PTPRF: variants seen among roughly 807,000 people sequenced by gnomAD.
PTPRF encodes the protein protein tyrosine phosphatase receptor type F.
PTPRF carries 59 observed loss-of-function variants against 201.8 expected under a neutral mutation model. The ratio of observed to expected loss-of-function variants is 0.29; its 90% CI spans 0.24 to 0.36. PTPRF has a LOEUF of 0.36. Among genes scored for constraint, PTPRF ranks in the 10% least tolerant of loss-of-function variants. The pLI is 1.00. For synonymous variants in PTPRF, 1,088 were observed against 1,089.7 expected, an observed-to-expected ratio of 1.00 and a Z score of 0.03; for missense variants, 2,132 against 2,690.5, an observed-to-expected ratio of 0.79 and a Z score of 4.59.
rs1212201825 is a variant in PTPRF at position 43,591,426 on chromosome 1, C to T, written c.1404C>T (p.Asp468=). Residue 468 remains aspartate (D), a synonymous_variant, in exon 9 of 34, where the codon GAC becomes GAT. Transcript: ENST00000359947. ...ACGCCTGGCACAAGCACAACACCGA[C>T]GCGGGGCTCCTCACGACCGTGGGCA... is the stretch of plus-strand genomic sequence containing the variant. ...PPNAWHKHNT[D]AGLLTTVGSL... 15 of 1,584,168 alleles carry T rather than the reference C, an allele frequency of 9.5e-6. No homozygotes were observed. Among genetic ancestry groups the T allele is most frequent in the Non-Finnish European group, 1.2e-5 (14 of 1,167,302 alleles).
At chr1:43,590,048 C>A (rs923150092) in intron 8 of PTPRF, among the ~76,000 whole-genome samples, 2 of 152,136 alleles carry the variant, frequency 1.3e-5, no homozygotes, top group South Asian at 4.1e-4. Flanking sequence ...GGATACAGAT[C>A]AGGATCCTCA....
chr1:43,532,795 C>T (rs1643724254), intron 1 of PTPRF, among the ~76,000 whole-genome samples: 1 of 152,070 alleles, frequency 6.6e-6, no homozygotes, highest in Non-Finnish European at 1.5e-5. Context: ...CCAAGTACAA[C>T]CCCCTACATT....
intron 23 of PTPRF, 128 bp downstream of exon 23, chr1:43,613,843 G>T (rs1657082856): frequency 1.2e-6 from 1 of 817,778 alleles, no homozygotes; most frequent in African/African-American, 1.7e-5. Flanking sequence ...GCACAGAGAG[G>T]AGGGTTGGCA....
intron 29 of PTPRF, 82 bp downstream of exon 29, chr1:43,619,940 G>C: frequency 6.4e-7 from 1 of 1,570,484 alleles, no homozygotes; most frequent in Non-Finnish European, 8.7e-7. Flanking sequence ...CAGCAGAGTA[G>C]GGCCAGCCTA....
At chr1:43,543,125 A>AG (rs1644454905) in intron 2 of PTPRF, among the ~76,000 whole-genome samples, 1 of 152,118 alleles carries the variant, frequency 6.6e-6, no homozygotes, top group South Asian at 2.1e-4. Flanking sequence ...ATGGTCCATC[A>AG]GGGGACCATA....
At chr1:43,569,203 C>T (rs949862112) in intron 5 of PTPRF, among the ~76,000 whole-genome samples, 8 of 151,372 alleles carry the variant, frequency 5.3e-5, no homozygotes, top group South Asian at 2.1e-4. Context: ...TTGGATGCTG[C>T]GCGAGCTCCC....
intron 3 of PTPRF, among the ~76,000 whole-genome samples, chr1:43,548,024 G>A (rs1442112268): frequency 6.6e-6 from 1 of 152,142 alleles, no homozygotes; most frequent in East Asian, 1.9e-4. Context: ...TGGGTAGGTG[G>A]CACTGACACA....
At chr1:43,548,639 C>G (rs1033756998) in intron 3 of PTPRF, among the ~76,000 whole-genome samples, 1 of 152,164 alleles carries the variant, frequency 6.6e-6, no homozygotes, top group African/African-American at 2.4e-5. Context: ...TTCCCCTTAT[C>G]TGAGGCCATG....
chr1:43,582,320 G>A (rs987957196), intron 7 of PTPRF, among the ~76,000 whole-genome samples: 1 of 152,226 alleles, frequency 6.6e-6, no homozygotes, highest in Non-Finnish European at 1.5e-5. Context: ...GGGGGGATGT[G>A]TCATCCAGTT....
upstream of PTPRF, among the ~76,000 whole-genome samples, chr1:43,524,416 T>C (rs1488932285): frequency 6.6e-6 from 1 of 152,110 alleles, no homozygotes; most frequent in East Asian, 1.9e-4. Flanking sequence ...TCCCAGCACT[T>C]TGGGAGGCCA....
chr1:43,612,312 A>G (rs74559801), intron 22 of PTPRF, among the ~76,000 whole-genome samples: 1 of 152,182 alleles, frequency 6.6e-6, no homozygotes, highest in South Asian at 2.1e-4. Context: ...ACCCCTTTCA[A>G]AGATCCTGGG....
intron 5 of PTPRF, among the ~76,000 whole-genome samples, chr1:43,568,097 C>A (rs12089622): frequency 0.71 from 108,160 of 151,706 alleles, 39,033 homozygotes; most frequent in East Asian, 0.77. Flanking sequence ...GAAGTTCGAG[C>A]CCAGCCTGGC....
intron 22 of PTPRF, 41 bp downstream of exon 22, chr1:43,609,539 TA>T: frequency 6.5e-7 from 1 of 1,528,656 alleles, no homozygotes; most frequent in Non-Finnish European, 9.0e-7. Flanking sequence ...AGCCCAGACC[TA>T]GCAGGCCTGT....
chr1:43,559,183 T>A (rs1645611624), intron 5 of PTPRF, among the ~76,000 whole-genome samples: 1 of 152,190 alleles, frequency 6.6e-6, no homozygotes, highest in Admixed American at 6.5e-5. Flanking sequence ...TGGTGCAGTG[T>A]GTGCAGCAGG....
intron 22 of PTPRF, among the ~76,000 whole-genome samples, chr1:43,610,934 G>A (rs939678759): frequency 5.9e-5 from 9 of 152,188 alleles, no homozygotes; most frequent in Non-Finnish European, 2.9e-5. Context: ...ACCTACCTAT[G>A]GTTGCTTTTG....
chr1:43,546,293 G>A lies in PTPRF; in HGVS notation c.91+1127G>A, dbSNP rs1378737094. ...GTCCTGGGTGGAGCTAGAAGGGAAA[G>A]GAGAAGGGGCAGGCATTCCCAAGGG... On this transcript the variant is annotated intron_variant, in intron 3 of 33. Transcript: ENST00000359947. This position sits in a 1 kb window ranked among gnomAD's most constrained non-coding sequence, Gnocchi z 4.2. Among the ~76,000 whole-genome samples the A allele has an allele frequency of 6.6e-6, 1 of 152,200 alleles. No individual in the cohort carries two copies. The highest frequency in any genetic ancestry group is 2.4e-5 in the African/African-American group (1 of 41,432).
In PTPRF at chr1:43,602,071, TGGC is replaced by T; in HGVS notation, c.2318_2320del (p.Arg773del). ...CTTTCTCTCCCTCTCCCGCGGTCAG[TGGC>T]GGCCAGAGGAGTCCGAGGACTATGT... On this transcript the variant is annotated inframe_deletion and splice_region_variant, in exon 14 of 34. Transcript: ENST00000359947. 6.2e-7 allele frequency: 1 copy of T among 1,613,314 alleles called. No individual in the cohort carries two copies. The highest frequency in any genetic ancestry group is 8.5e-7 in the Non-Finnish European group (1 of 1,179,222).
At chr1:43,586,454 C>T (rs1420626534) in intron 7 of PTPRF, among the ~76,000 whole-genome samples, 3 of 152,210 alleles carry the variant, frequency 2.0e-5, no homozygotes, top group East Asian at 1.9e-4. Context: ...ATTTGAGGTG[C>T]GTGCTCAGAG....
At chr1:43,576,008 C>A (rs1268251078) in intron 6 of PTPRF, 2 of 1,276,208 alleles carry the variant, frequency 1.6e-6, no homozygotes, top group Non-Finnish European at 2.1e-6. Flanking sequence ...CAGTCTGTCA[C>A]CTCCCCATCC....
Sources: allele counts gnomAD v4.1 joint callset (sites outside exome capture counted in the v4.1 genomes callset), GRCh38; gene constraint gnomAD v4.1.1; non-coding constraint Gnocchi (gnomAD v3.1); transcripts MANE v1.5; gene names NCBI Gene and HGNC (gene_info 2026-07-23, HGNC 2026-07-21).